The following IL1RAPL2 variants were observed in gnomAD, a reference collection of about 807,000 sequenced individuals.
The protein encoded by IL1RAPL2 is interleukin 1 receptor accessory protein like 2.
IL1RAPL2 carries 3 observed loss-of-function variants against 44.1 expected under a neutral mutation model. That is an observed-to-expected ratio of 0.07 (90% CI 0.03 to 0.18). IL1RAPL2 has a LOEUF of 0.18. IL1RAPL2 is among the 10% of genes least tolerant of loss of function. The pLI is 1.00. For synonymous variants in IL1RAPL2, 181 were observed against 178.8 expected (o/e 1.01, Z -0.10); for missense variants, 391 against 496.4 (o/e 0.79, Z 2.02).
At chrX:105,256,374 G>A (rs1281464859) in intron 4 of IL1RAPL2, among the ~76,000 whole-genome samples, 2 of 107,870 alleles carry the variant, frequency 1.9e-5, no homozygotes, top group Non-Finnish European at 3.8e-5. Context: ...AGTCACCCAG[G>A]CTGGAGAGCA....
intron 5 of IL1RAPL2, among the ~76,000 whole-genome samples, chrX:105,400,671 C>T (rs755281680): frequency 0.061 from 6,803 of 111,293 alleles, 499 homozygotes; most frequent in African/African-American, 0.21. Context: ...GTTATATTAC[C>T]TGGTTTTATT....
chrX:104,949,784 C>T (rs1307073665), intron 2 of IL1RAPL2, among the ~76,000 whole-genome samples: 3 of 111,390 alleles, frequency 2.7e-5, no homozygotes, highest in Non-Finnish European at 3.8e-5. Flanking sequence ...GTCTGAGAGA[C>T]AGTTTGTTAT....
chrX:104,644,137 C>T (rs907185209), intron 1 of IL1RAPL2, among the ~76,000 whole-genome samples: 1 of 110,297 alleles, frequency 9.1e-6, no homozygotes, highest in African/African-American at 3.3e-5. Flanking sequence ...TACATGTGCA[C>T]AATATGCAGG....
intron 2 of IL1RAPL2, among the ~76,000 whole-genome samples, chrX:104,911,419 A>G (rs1417368056): frequency 9.0e-6 from 1 of 111,715 alleles, no homozygotes; most frequent in Non-Finnish European, 1.9e-5. Flanking sequence ...TTACTCAGGT[A>G]CAAGCCCCAA....
At chrX:105,348,693 T>G (rs1458298498) in intron 5 of IL1RAPL2, among the ~76,000 whole-genome samples, 5 of 111,414 alleles carry the variant, frequency 4.5e-5, no homozygotes, top group Non-Finnish European at 9.4e-5. Flanking sequence ...TTTATTCAGG[T>G]GCTGCAGCAA....
At chrX:104,799,962 G>A (rs946825769) in intron 2 of IL1RAPL2, among the ~76,000 whole-genome samples, 5 of 111,419 alleles carry the variant, frequency 4.5e-5, no homozygotes, top group African/African-American at 6.5e-5. Context: ...TGTCTTGATC[G>A]TATTCTTGAA....
chrX:104,572,767 T>C (rs931689850), intron 1 of IL1RAPL2, among the ~76,000 whole-genome samples: 1 of 109,390 alleles, frequency 9.1e-6, no homozygotes, highest in Admixed American at 9.7e-5. Flanking sequence ...GCCCGGCTAA[T>C]TTTTGTATTT....
At chrX:104,958,304 A>T (rs753532604) in intron 2 of IL1RAPL2, among the ~76,000 whole-genome samples, 5 of 107,883 alleles carry the variant, frequency 4.6e-5, no homozygotes, top group African/African-American at 1.7e-4. Context: ...AAAGGGAGAG[A>T]TGTGTTTTGT....
chrX:104,975,491 T>A (rs1434295339), intron 2 of IL1RAPL2, among the ~76,000 whole-genome samples: 1 of 112,271 alleles, frequency 8.9e-6, no homozygotes, highest in Non-Finnish European at 1.9e-5. Flanking sequence ...GACAACTGGA[T>A]TCAAGTTATT....
At chrX:104,628,546 A>G (rs1929565101) in intron 1 of IL1RAPL2, among the ~76,000 whole-genome samples, 1 of 112,136 alleles carries the variant, frequency 8.9e-6, no homozygotes, top group South Asian at 3.6e-4. Flanking sequence ...GCTGAATAGT[A>G]TTCCATTGAG....
chrX:104,601,714 A>G (rs1367420252), intron 1 of IL1RAPL2, among the ~76,000 whole-genome samples: 2 of 112,063 alleles, frequency 1.8e-5, no homozygotes, highest in Non-Finnish European at 3.8e-5. Flanking sequence ...TTCTATGGCT[A>G]TTATTAAGCC....
chrX:104,585,326 ATAAT>A (rs1928518041), intron 1 of IL1RAPL2, among the ~76,000 whole-genome samples: 1 of 19,459 alleles, frequency 5.1e-5, no homozygotes, highest in Non-Finnish European at 7.1e-5. Context: ...TATATTATAT[ATAAT>A]ATATATTATA....
rs1206657002 is a variant in IL1RAPL2 at position 105,080,924 on chromosome X, G to A, written c.83-114551G>A. On this transcript the variant is annotated intron_variant, in intron 2 of 10. Transcript: ENST00000372582. ...GTTGTTTGTAGTTCTCCTTGAAAAG[G>A]TCCTTCACATCCCTTGTAAGTTGTA... Among the ~76,000 whole-genome samples, 3 of 111,281 alleles carry A rather than the reference G, an allele frequency of 2.7e-5. No individual in the cohort carries two copies. The East Asian group carries it at 8.5e-4, about 32-fold the overall frequency.
chrX:105,308,401 C>T (rs771370037), intron 5 of IL1RAPL2, among the ~76,000 whole-genome samples: 2 of 111,893 alleles, frequency 1.8e-5, no homozygotes, highest in East Asian at 2.8e-4. Context: ...CTTAAGTATA[C>T]GACTCAATGA....
chrX:104,677,514 G>C (rs980114658), intron 2 of IL1RAPL2, among the ~76,000 whole-genome samples: 3 of 111,512 alleles, frequency 2.7e-5, no homozygotes, highest in African/African-American at 9.8e-5. Context: ...GTCAGACAGG[G>C]ACATTTAAGT....
At chrX:104,611,565 C>T (rs144870986) in intron 1 of IL1RAPL2, among the ~76,000 whole-genome samples, 1,323 of 111,237 alleles carry the variant, frequency 0.012, 25 homozygotes, top group African/African-American at 0.04. Flanking sequence ...AAGCCGGGCA[C>T]GGTGGCTCAC....
At chrX:105,741,022 G>A (rs1036169920) in intron 8 of IL1RAPL2, among the ~76,000 whole-genome samples, 1 of 110,709 alleles carries the variant, frequency 9.0e-6, no homozygotes, top group African/African-American at 3.3e-5. Context: ...ATCTTATATT[G>A]CTTAAATGAA....
intron 2 of IL1RAPL2, among the ~76,000 whole-genome samples, chrX:104,933,867 G>T (rs1432647867): frequency 9.0e-6 from 1 of 111,561 alleles, no homozygotes; most frequent in South Asian, 3.7e-4. Context: ...TGTCTCCTAA[G>T]TATTGGCAAG....
At chrX:105,675,208 G>A (rs1467203584) in intron 6 of IL1RAPL2, among the ~76,000 whole-genome samples, 2 of 111,522 alleles carry the variant, frequency 1.8e-5, no homozygotes, top group African/African-American at 6.5e-5. Context: ...TTGAATAGCA[G>A]TGGTGAGAAA....
Sources: allele counts gnomAD v4.1 joint callset (sites outside exome capture counted in the v4.1 genomes callset), GRCh38; gene constraint gnomAD v4.1.1; transcripts MANE v1.5; gene names NCBI Gene and HGNC (gene_info 2026-07-23, HGNC 2026-07-21).